The following P2RX7 variants were observed in gnomAD, a reference collection of about 807,000 sequenced individuals.
The protein encoded by P2RX7 is purinergic receptor P2X 7.
In P2RX7, 62 loss-of-function variants were observed where a neutral mutation model predicts 71.6. The ratio of observed to expected loss-of-function variants is 0.87; its 90% CI spans 0.71 to 1.07. The LOEUF (loss-of-function observed/expected upper bound fraction) is 1.07, where lower values mean the gene tolerates loss of function less well. Among genes scored for constraint, P2RX7 ranks in the 50% least tolerant of loss-of-function variants. The pLI is 0.00. For synonymous variants in P2RX7, 299 were observed against 283.3 expected (o/e 1.06, Z -0.56); for missense variants, 686 against 748.5 (o/e 0.92, Z 0.97).
intron 8 of P2RX7, 51 bp from the exon 9 acceptor site, chr12:121,175,336 AC>A (rs1882925009): frequency 2.5e-6 from 3 of 1,197,318 alleles, no homozygotes. Flanking sequence ...AAAACCCAAA[AC>A]CCAGCACTTT....
At chr12:121,164,975 G>T (rs557051414) in intron 5 of P2RX7, among the ~76,000 whole-genome samples, 8 of 152,026 alleles carry the variant, frequency 5.3e-5, no homozygotes, top group African/African-American at 1.9e-4. Flanking sequence ...GGGATGTGCC[G>T]CACACTTTTA....
intron 3 of P2RX7, among the ~76,000 whole-genome samples, chr12:121,158,463 G>A (rs1879022949): frequency 2.0e-5 from 3 of 152,192 alleles, no homozygotes; most frequent in African/African-American, 4.8e-5. Context: ...CAGCAGGGTA[G>A]TCAAACTTTC....
At chr12:121,172,797 G>C (rs1224414844) in intron 8 of P2RX7, among the ~76,000 whole-genome samples, 1 of 152,212 alleles carries the variant, frequency 6.6e-6, no homozygotes, top group Non-Finnish European at 1.5e-5. Context: ...GTCAGGTTTT[G>C]AGAGGTTTTT....
intron 12 of P2RX7, 97 bp from the exon 13 acceptor site, chr12:121,184,208 T>A (rs1437933127): frequency 1.4e-6 from 2 of 1,384,330 alleles, no homozygotes; most frequent in African/African-American, 1.5e-5. Flanking sequence ...CTATAAATCA[T>A]GTAATATTAA....
At chr12:121,143,818 C>CTCCA (rs1875542450) in intron 1 of P2RX7, among the ~76,000 whole-genome samples, 1 of 152,296 alleles carries the variant, frequency 6.6e-6, no homozygotes, top group African/African-American at 2.4e-5. Flanking sequence ...TGGCATTGCA[C>CTCCA]TCCAGCCTGG....
intron 1 of P2RX7, among the ~76,000 whole-genome samples, chr12:121,138,196 G>A (rs1035250263): frequency 6.6e-6 from 1 of 152,242 alleles, no homozygotes; most frequent in Non-Finnish European, 1.5e-5. Flanking sequence ...TGCTGTCCTC[G>A]GACGTGGATG....
rs3078807 is a variant in P2RX7, at chr12:121,163,597, GTAGATAGATAGATAGATAGATAGA to G, written c.533+1106_533+1129del. Among the ~76,000 whole-genome samples the G allele has an allele frequency of 4.5e-3, 587 of 130,284 alleles. 5 individuals are homozygous for G. Among genetic ancestry groups the G allele is most frequent in the African/African-American group, 0.015 (517 of 34,886 alleles). 85.5% of individuals were successfully genotyped at this position (130,284 alleles called of 152,430 possible). Reference sequence around the variant, plus strand: ...AAATAGATAATAGATAGATAGACAGGTAGATAGATAGATAGATAGATAGATAGATAGATAGATAGATAGATAGAT... The same window carrying G: ...AAATAGATAATAGATAGATAGACAGGTAGATAGATAGATAGATAGATAGAT... On this transcript the variant is annotated intron_variant, in intron 5 of 12. Transcript: ENST00000328963.
chr12:121,151,058 T>C (rs905166684), intron 1 of P2RX7, among the ~76,000 whole-genome samples: 1 of 152,130 alleles, frequency 6.6e-6, no homozygotes, highest in Non-Finnish European at 1.5e-5. Flanking sequence ...CTCTTTCCTT[T>C]TGCTTTATAA....
In P2RX7 at chr12:121,165,351, TCCCAG is replaced by T; in HGVS notation, c.534-5_534-1del. The T allele has an allele frequency of 1.2e-6, 2 of 1,613,396 alleles. No individual in the cohort carries two copies. Among genetic ancestry groups the T allele is most frequent in the Non-Finnish European group, 1.7e-6 (2 of 1,179,414 alleles). On this transcript the variant is annotated splice_acceptor_variant and splice_polypyrimidine_tract_variant and intron_variant, in intron 5 of 12. Coordinates refer to ENST00000328963, the MANE Select transcript of P2RX7 (RefSeq NM_002562.6). LOFTEE classifies it high-confidence loss of function. ...CTAATGGCCATTTTGCATGTCTCTC[TCCCAG>T]GCCTGCTCTCTTGAACAGTGCCGAA...
rs140224844 is a variant in P2RX7 at position 121,172,327 on chromosome 12, C to T, written c.882-3061C>T. Among the ~76,000 whole-genome samples the T allele has an allele frequency of 2.3e-4, 35 of 152,274 alleles. 2 individuals carry two copies. The East Asian group carries it at 5.4e-3, about 23-fold the overall frequency. ...GGCAGTGGCAATGCATGCTTGCTTG[C>T]GAATTAAAAAACAAATCACTGCCTG... is the stretch of plus-strand genomic sequence containing the variant. On this transcript the variant is annotated intron_variant, in intron 8 of 12. Transcript: ENST00000328963.
intron 12 of P2RX7, among the ~76,000 whole-genome samples, chr12:121,181,319 TG>T (rs1884108190): frequency 6.6e-6 from 1 of 152,218 alleles, no homozygotes; most frequent in South Asian, 2.1e-4. Context: ...GATGGACATT[TG>T]GGTAGTGTCC....
chr12:121,171,862 C>CTTTT (rs779128209), intron 8 of P2RX7, among the ~76,000 whole-genome samples: 8 of 131,140 alleles, frequency 6.1e-5, no homozygotes, highest in Non-Finnish European at 8.1e-5. Context: ...TTCTTTCTTT[C>CTTTT]TTTTTTTTTT....
At chr12:121,167,715 A>G in intron 8 of P2RX7, 91 bp downstream of exon 8, 1 of 1,166,714 alleles carries the variant, frequency 8.6e-7, no homozygotes, top group South Asian at 2.0e-5. Flanking sequence ...AGGCAACAAG[A>G]TGAATGAAAA....
At chr12:121,174,696 T>C (rs1457657855) in intron 8 of P2RX7, among the ~76,000 whole-genome samples, 3 of 152,174 alleles carry the variant, frequency 2.0e-5, no homozygotes, top group Admixed American at 2.0e-4. Context: ...TTGTTCTAGA[T>C]GCCAAACCTC....
chr12:121,168,320 G>T (rs1881542585), intron 8 of P2RX7, among the ~76,000 whole-genome samples: 1 of 150,482 alleles, frequency 6.6e-6, no homozygotes, highest in African/African-American at 2.5e-5. Context: ...GCTTGCCCAG[G>T]CTGGAGTGCA....
intron 5 of P2RX7, among the ~76,000 whole-genome samples, chr12:121,163,498 T>G (rs1880257302): frequency 6.6e-6 from 1 of 152,052 alleles, no homozygotes. Flanking sequence ...ATGTGGCTAT[T>G]GAGTACATGA....
At chr12:121,133,976 G>A (rs2393800) in intron 1 of P2RX7, among the ~76,000 whole-genome samples, 14,434 of 151,886 alleles carry the variant, frequency 0.095, 1,127 homozygotes, top group East Asian at 0.26. Flanking sequence ...TGCCTGCCTC[G>A]GCCTCCCAAA....
intron 12 of P2RX7, among the ~76,000 whole-genome samples, chr12:121,181,176 T>G (rs1884089146): frequency 6.6e-6 from 1 of 152,192 alleles, no homozygotes; most frequent in Non-Finnish European, 1.5e-5. Context: ...AAGCGGTATA[T>G]ACGCGGTTGA....
chr12:121,180,331 A>T (rs1269635044), intron 11 of P2RX7, 23 bp from the exon 12 acceptor site: 1 of 1,411,852 alleles, frequency 7.1e-7, no homozygotes, highest in Admixed American at 2.1e-5. Context: ...AAATGGGTAA[A>T]CTTTCAAACC....
Sources: gnomAD v4.1 joint callset for allele counts (sites outside exome capture counted in the v4.1 genomes callset) on GRCh38, gnomAD v4.1.1 for gene constraint, MANE v1.5 for transcripts, NCBI Gene and HGNC (gene_info 2026-07-23, HGNC 2026-07-21) for gene names.